Variants in POLR3B observed in about 807,000 individuals in gnomAD.
POLR3B encodes the protein RNA polymerase III subunit B, also known as DNA-directed RNA polymerase III subunit RPC2.
POLR3B carries 96 observed loss-of-function variants against 147.4 expected under a neutral mutation model. The observed-to-expected ratio is 0.65, with a 90% CI of 0.55 to 0.77. The LOEUF is 0.77. Among genes scored for constraint, POLR3B ranks in the 30% least tolerant of loss-of-function variants. The pLI is 0.00. For missense variants in POLR3B, 1,036 were observed against 1,413.5 expected (o/e 0.73, Z 4.28); for synonymous variants, 461 against 485.9 (o/e 0.95, Z 0.67).
At position 106,444,558 on chromosome 12, in the gene POLR3B, CTTAT is replaced by C. The variant is rs2037697722; in HGVS notation, c.2052_2055del (p.Tyr685SerfsTer12). On this transcript the variant is annotated frameshift_variant, in exon 19 of 28. Transcript: ENST00000228347. LOFTEE classifies it high-confidence loss of function. ...CACCATAACCAGTCACCGAGAAACA[CTTAT>C]CAGTGTGCCATGGGGAAACAAGCCA... 2 of 1,613,840 alleles carry C rather than the reference CTTAT, an allele frequency of 1.2e-6. No homozygotes were observed. The highest frequency in any genetic ancestry group is 2.2e-5 in the East Asian group (1 of 44,868).
chr12:106,427,426 T>G, intron 13 of POLR3B, 68 bp downstream of exon 13: 2 of 1,357,730 alleles, frequency 1.5e-6, no homozygotes, highest in South Asian at 2.4e-5. Context: ...GAACAGAAAC[T>G]TAAAGCACTT....
chr12:106,358,039 G>C (rs1473200961), intron 1 of POLR3B, 88 bp downstream of exon 1: 7 of 1,569,466 alleles, frequency 4.5e-6, no homozygotes, highest in Non-Finnish European at 6.0e-6. Flanking sequence ...CAAGGGGGCG[G>C]GCTGGCGGTT....
Position 106,496,171 on chromosome 12 carries a change from T to C in POLR3B, c.2817+13T>C, listed in dbSNP as rs766516835. 3 of 1,508,504 alleles carry C rather than the reference T, an allele frequency of 2.0e-6. No individual in the cohort carries two copies. The highest frequency in any genetic ancestry group is 2.8e-6 in the Non-Finnish European group (3 of 1,083,436). 93.4% of individuals were successfully genotyped at this position (1,508,504 alleles called of 1,614,324 possible). A position where few individuals can be genotyped will look rare whatever the true frequency, so the allele number is the denominator to read the frequency against. ...ATCACGAATGACGGTCAGTGACCTG[T>C]AGGTTTTTCAGAGGCATTGCCTTTA... On this transcript the variant is annotated intron_variant, in intron 24 of 27. Transcript: ENST00000228347.
chr12:106,439,099 G>C lies in POLR3B; in HGVS notation c.1955+1320G>C, dbSNP rs148902485. On this transcript the variant is annotated intron_variant, in intron 18 of 27. Coordinates refer to ENST00000228347, the MANE Select transcript of POLR3B (RefSeq NM_018082.6). The stretch of plus-strand genomic sequence containing the variant: ...CAAGAATAAGTACTTTTCTGACCCA[G>C]TGTAATGGCTCACCCCTATAATCCC... 4.4e-3 allele frequency among the ~76,000 whole-genome samples: 669 copies of C among 152,294 alleles called. 4 individuals are homozygous for C. Among genetic ancestry groups the C allele is most frequent in the African/African-American group, 0.015 (644 of 41,572 alleles).
intron 17 of POLR3B, among the ~76,000 whole-genome samples, chr12:106,437,425 G>A (rs541816239): frequency 1.3e-5 from 2 of 152,196 alleles, no homozygotes; most frequent in Admixed American, 1.3e-4. Context: ...AGGTTTCTAA[G>A]GTCAGAATTT....
At chr12:106,508,158 G>C (rs1171434286) in intron 27 of POLR3B, among the ~76,000 whole-genome samples, 2 of 152,170 alleles carry the variant, frequency 1.3e-5, no homozygotes, top group Non-Finnish European at 2.9e-5. Flanking sequence ...ACAACAGCAG[G>C]TCTAATGGCT....
chr12:106,477,597 G>T (rs1295134284), intron 23 of POLR3B, among the ~76,000 whole-genome samples: 1 of 152,082 alleles, frequency 6.6e-6, no homozygotes, highest in Non-Finnish European at 1.5e-5. Context: ...TCTGAAAAGC[G>T]CAATATTCAG....
chr12:106,498,578 GTTTGTTTTT>G (rs1565916636), intron 25 of POLR3B, among the ~76,000 whole-genome samples: 1 of 139,306 alleles, frequency 7.2e-6, no homozygotes. Context: ...GTTTTTTGGG[GTTTGTTTTT>G]TTTGTTTTTT....
At chr12:106,509,398 C>A in intron 27 of POLR3B, 22 bp from the exon 28 acceptor site, 1 of 1,612,916 alleles carries the variant, frequency 6.2e-7, no homozygotes, top group South Asian at 1.1e-5. Flanking sequence ...GTCTGTCTAA[C>A]GCTTGCTGAC....
chr12:106,436,149 G>C (rs894798590), intron 16 of POLR3B, among the ~76,000 whole-genome samples: 2 of 152,184 alleles, frequency 1.3e-5, no homozygotes, highest in African/African-American at 4.8e-5. Flanking sequence ...TAATTGTGCA[G>C]CTCCTCTTCT....
chr12:106,450,269 G>A (rs538406302), intron 19 of POLR3B, among the ~76,000 whole-genome samples: 15 of 152,194 alleles, frequency 9.9e-5, no homozygotes, highest in South Asian at 4.2e-4. Context: ...AGCTAAAACC[G>A]TTACTCTTGA....
At chr12:106,436,028 C>G (rs1375035222) in intron 16 of POLR3B, among the ~76,000 whole-genome samples, 3 of 152,132 alleles carry the variant, frequency 2.0e-5, no homozygotes, top group African/African-American at 7.2e-5. Flanking sequence ...TCAAATGAGG[C>G]ATTAGTAGGC....
intron 6 of POLR3B, among the ~76,000 whole-genome samples, chr12:106,374,412 C>T (rs151084796): frequency 0.013 from 1,941 of 152,148 alleles, 39 homozygotes; most frequent in African/African-American, 0.043. Flanking sequence ...GACGGGGTTT[C>T]GCCATGTTGC....
At chr12:106,500,716 G>T (rs1034722385) in intron 25 of POLR3B, among the ~76,000 whole-genome samples, 1 of 152,150 alleles carries the variant, frequency 6.6e-6, no homozygotes, top group Non-Finnish European at 1.5e-5. Context: ...AGAGGAACAG[G>T]CTTGCTCCAT....
intron 24 of POLR3B, 179 bp downstream of exon 24, chr12:106,496,337 A>C (rs1592775897): frequency 1.4e-6 from 1 of 694,068 alleles, no homozygotes; most frequent in Non-Finnish European, 2.6e-6. Context: ...ACTCCCCTCT[A>C]CATAAAGAAT....
At chr12:106,385,665 A>G (rs10861591) in intron 9 of POLR3B, among the ~76,000 whole-genome samples, 58,020 of 152,044 alleles carry the variant, frequency 0.38, 12,854 homozygotes, top group African/African-American at 0.61. Context: ...GGTGATTGGG[A>G]TTTAGGGAGA....
At chr12:106,365,331 G>A (rs1262184794) in intron 2 of POLR3B, among the ~76,000 whole-genome samples, 3 of 152,102 alleles carry the variant, frequency 2.0e-5, no homozygotes, top group Non-Finnish European at 2.9e-5. Flanking sequence ...CTATTGAGGA[G>A]TTTCTAAGTT....
At chr12:106,404,166 C>T (rs1311601677) in intron 10 of POLR3B, among the ~76,000 whole-genome samples, 1 of 150,976 alleles carries the variant, frequency 6.6e-6, no homozygotes, top group Non-Finnish European at 1.5e-5. Context: ...TCTCCGCTCA[C>T]TGCAATCTCC....
intron 9 of POLR3B, 118 bp from the exon 10 acceptor site, chr12:106,392,913 G>T: frequency 7.7e-7 from 1 of 1,298,968 alleles, no homozygotes; most frequent in Non-Finnish European, 1.1e-6. Context: ...CCATTTCTGA[G>T]AGAAGAGCTA....
Sources: allele counts gnomAD v4.1 joint callset (sites outside exome capture counted in the v4.1 genomes callset), GRCh38; gene constraint gnomAD v4.1.1; transcripts MANE v1.5; gene names NCBI Gene and HGNC (gene_info 2026-07-23, HGNC 2026-07-21).